Variants in CREB5 observed in about 807,000 individuals in gnomAD.
CREB5 encodes cyclic AMP-responsive element-binding protein 5.
A neutral mutation model predicts 57.1 loss-of-function variants in CREB5; 19 were observed. The observed-to-expected ratio is 0.33, with a 90% CI of 0.23 to 0.49. The LOEUF is 0.49. Ranked by LOEUF, CREB5 falls within the 20% of genes least tolerant of loss-of-function variation. The pLI is 0.99. For synonymous variants in CREB5, 238 were observed against 238.3 expected (o/e 1.00, Z 0.01); for missense variants, 579 against 671.6 (o/e 0.86, Z 1.52).
chr7:28,660,147 G>A (rs540257207), intron 5 of CREB5, among the ~76,000 whole-genome samples: 4 of 152,236 alleles, frequency 2.6e-5, no homozygotes, highest in Non-Finnish European at 4.4e-5. Context: ...GCATAGTATA[G>A]CATTGCTATG....
chr7:28,778,560 G>A (rs1806789469), intron 7 of CREB5, among the ~76,000 whole-genome samples: 1 of 151,872 alleles, frequency 6.6e-6, no homozygotes. Flanking sequence ...ATTAACACAA[G>A]GACTATTTCC....
intron 1 of CREB5, among the ~76,000 whole-genome samples, chr7:28,336,543 C>T (rs1357554281): frequency 6.6e-6 from 1 of 151,922 alleles, no homozygotes; most frequent in East Asian, 1.9e-4. Flanking sequence ...GTTGTAATGT[C>T]TCCTTTTTCA....
rs547042964 is a variant in CREB5, at chr7:28,419,134, A to G, written c.3+6217A>G. Among the ~76,000 whole-genome samples the G allele has an allele frequency of 2.4e-4, 36 of 152,322 alleles. No individual in the cohort carries two copies. In the South Asian group the frequency reaches 4.6e-3, roughly 19 times the overall value. On this transcript the variant is annotated intron_variant, in intron 1 of 10. Coordinates refer to ENST00000357727, the MANE Select transcript of CREB5 (RefSeq NM_182898.4). ...CTGTGTGTTTGGTAGTATCCAGGGAAACTTTCTCTCAGGCTACTTTGTGAT... is the reference window on the plus strand; with the variant it reads ...CTGTGTGTTTGGTAGTATCCAGGGAGACTTTCTCTCAGGCTACTTTGTGAT...
chr7:28,612,310 C>T (rs1327063477), intron 5 of CREB5, among the ~76,000 whole-genome samples: 2 of 152,046 alleles, frequency 1.3e-5, no homozygotes, highest in African/African-American at 4.8e-5. Context: ...TTGCAGGTCT[C>T]AGTGGTCCTA....
chr7:28,335,543 A>G (rs112799423), intron 1 of CREB5, among the ~76,000 whole-genome samples: 1,947 of 151,890 alleles, frequency 0.013, 50 homozygotes, highest in African/African-American at 0.045. Flanking sequence ...TTGTACATTG[A>G]TTTTGTATCC....
At chr7:28,496,761 C>G (rs1461294250) in intron 3 of CREB5, among the ~76,000 whole-genome samples, 1 of 151,858 alleles carries the variant, frequency 6.6e-6, no homozygotes, top group East Asian at 1.9e-4. Flanking sequence ...CTTCTCTTCA[C>G]CCACCACTCG....
intron 1 of CREB5, among the ~76,000 whole-genome samples, chr7:28,394,601 T>C (rs928413126): frequency 1.2e-4 from 18 of 152,312 alleles, no homozygotes; most frequent in African/African-American, 4.3e-4. Flanking sequence ...GGGCTAGGTG[T>C]TCTTAAGAGC....
intron 5 of CREB5, among the ~76,000 whole-genome samples, chr7:28,703,257 G>A (rs1251635163): frequency 6.6e-6 from 1 of 152,134 alleles, no homozygotes; most frequent in African/African-American, 2.4e-5. Flanking sequence ...TAGGGATGGA[G>A]CCAAGTGGAT....
chr7:28,435,862 T>C (rs1199402731), intron 1 of CREB5, among the ~76,000 whole-genome samples: 2 of 151,998 alleles, frequency 1.3e-5, no homozygotes, highest in Non-Finnish European at 2.9e-5. Flanking sequence ...ACCTAGAAAA[T>C]GAAAAAATAT....
At chr7:28,708,860 G>A (rs756412430) in intron 5 of CREB5, among the ~76,000 whole-genome samples, 1 of 152,182 alleles carries the variant, frequency 6.6e-6, no homozygotes, top group Non-Finnish European at 1.5e-5. Context: ...GAATACCCAG[G>A]CAAGTGCGCC....
intron 5 of CREB5, among the ~76,000 whole-genome samples, chr7:28,700,924 T>C (rs1161238291): frequency 2.0e-5 from 3 of 151,292 alleles, no homozygotes; most frequent in Admixed American, 6.6e-5. Flanking sequence ...TTTTCATTTT[T>C]TTAAGAGTAT....
At chr7:28,509,957 A>G (rs1350582360) in intron 4 of CREB5, among the ~76,000 whole-genome samples, 1 of 152,114 alleles carries the variant, frequency 6.6e-6, no homozygotes, top group East Asian at 1.9e-4. Context: ...CCTCATTCAA[A>G]CCAGAGGGGC....
intron 5 of CREB5, among the ~76,000 whole-genome samples, chr7:28,644,586 A>T (rs1798817523): frequency 7.0e-6 from 1 of 143,468 alleles, no homozygotes; most frequent in Non-Finnish European, 1.5e-5. Flanking sequence ...AGGTCAAGGA[A>T]TTAAAACATT....
chr7:28,602,812 C>T (rs1444084539), intron 5 of CREB5, among the ~76,000 whole-genome samples: 4 of 152,128 alleles, frequency 2.6e-5, no homozygotes, highest in Admixed American at 2.0e-4. Flanking sequence ...AAATTTACAC[C>T]TGTGATAAAA....
At chr7:28,641,936 G>A (rs12113002) in intron 5 of CREB5, among the ~76,000 whole-genome samples, 3,631 of 152,268 alleles carry the variant, frequency 0.024, 151 homozygotes, top group African/African-American at 0.084. Flanking sequence ...GTGTGTGCAC[G>A]TGTGTGTATG....
rs147027258 is a variant in CREB5 at position 28,652,987 on chromosome 7, G to A, written c.465-65766G>A. ...TAGGAAAAATCTTTAGACTTGGTATGGCATTGAGCTCTGTAGCCACAGACA... is the reference window on the plus strand; with the variant it reads ...TAGGAAAAATCTTTAGACTTGGTATAGCATTGAGCTCTGTAGCCACAGACA... On this transcript the variant is annotated intron_variant, in intron 5 of 10. Coordinates refer to ENST00000357727, the MANE Select transcript of CREB5 (RefSeq NM_182898.4). 3.8e-3 allele frequency among the ~76,000 whole-genome samples: 574 copies of A among 152,300 alleles called. 9 individuals carry two copies. Among genetic ancestry groups the A allele is most frequent in the African/African-American group, 0.013 (553 of 41,562 alleles).
chr7:28,782,154 C>A (rs1807025076), intron 7 of CREB5, among the ~76,000 whole-genome samples: 1 of 152,080 alleles, frequency 6.6e-6, no homozygotes, highest in Non-Finnish European at 1.5e-5. Flanking sequence ...ATGTACTTAC[C>A]ATACATCACA....
intron 7 of CREB5, among the ~76,000 whole-genome samples, chr7:28,744,902 T>A (rs1277624063): frequency 6.6e-6 from 1 of 152,230 alleles, no homozygotes; most frequent in Non-Finnish European, 1.5e-5. Flanking sequence ...AAAGCCTAAC[T>A]GTGTTGGGCT....
At chr7:28,369,796 T>C (rs918533899) in intron 1 of CREB5, among the ~76,000 whole-genome samples, 4 of 152,134 alleles carry the variant, frequency 2.6e-5, no homozygotes, top group African/African-American at 9.7e-5. Flanking sequence ...TCAGGCTAAA[T>C]CTAATCTTCA....
Sources: gnomAD v4.1 joint callset for allele counts (sites outside exome capture counted in the v4.1 genomes callset) on GRCh38, gnomAD v4.1.1 for gene constraint, MANE v1.5 for transcripts, NCBI Gene and HGNC (gene_info 2026-07-23, HGNC 2026-07-21) for gene names.